Variants in DYM observed in about 807,000 individuals in gnomAD.
DYM encodes dyggve-Melchior-Clausen syndrome protein.
DYM carries 78 observed loss-of-function variants against 93.1 expected under a neutral mutation model. The ratio of observed to expected loss-of-function variants is 0.84; its 90% confidence interval spans 0.70 to 1.01. The LOEUF (loss-of-function observed/expected upper bound fraction) is 1.01. Among genes scored for constraint, DYM ranks in the 50% least tolerant of loss-of-function variants. The pLI, the probability that DYM is intolerant of heterozygous loss-of-function variation, is 0.00. For synonymous variants in DYM, 321 were observed against 319.7 expected, an observed-to-expected ratio of 1.00 and a Z score of -0.04; for missense variants, 789 against 845.0, an observed-to-expected ratio of 0.93 and a Z score of 0.82.
intron 5 of DYM, among the ~76,000 whole-genome samples, chr18:49,363,487 C>T (rs1461298632): frequency 6.6e-6 from 1 of 152,174 alleles, no homozygotes; most frequent in East Asian, 1.9e-4. Flanking sequence ...CTTTAGGCTC[C>T]TGTACGCCAG....
chr18:49,186,294 TAATCAGTGTTGGCTCTCAACATTTAA>T (rs2090428453), intron 14 of DYM, among the ~76,000 whole-genome samples: 1 of 152,200 alleles, frequency 6.6e-6, no homozygotes, highest in South Asian at 2.1e-4. Flanking sequence ...AACACACTTC[TAATCAGTGTTGGCTCTCAACATTTAA>T]AGCACAACTT....
At chr18:49,195,423 T>C (rs748816012) in intron 14 of DYM, among the ~76,000 whole-genome samples, 7 of 152,210 alleles carry the variant, frequency 4.6e-5, no homozygotes, top group Non-Finnish European at 1.0e-4. Context: ...TTCTCTCTTC[T>C]AGTTTTTTGA....
rs201477312 is a variant in DYM at position 49,097,424 on chromosome 18, G to A, written c.2003C>T (p.Ala668Val). The change falls in exon 17 of 18, where the codon GCG becomes GTG. Residue 668 changes from alanine (A) to valine (V), a missense_variant. By Grantham distance (64) the Ala-to-Val change is moderately conservative. Around this residue, in one of 3 missense-constraint regions of DYM, gnomAD observed 114 missense variants for 105.8 expected, o/e 1.08. Transcript: ENST00000675505. ...VLEIIKQGVV[A>V]LPKDRLKKFP... ...TACCTTCAGTCTGTCTTTGGGCAGC[G>A]CAACGACGCCTTGCTTAATGATTTC... The A allele has an allele frequency of 7.7e-5, 124 of 1,613,840 alleles. No individual in the cohort carries two copies. The highest frequency in any genetic ancestry group is 9.4e-5 in the Non-Finnish European group (111 of 1,179,902).
chr18:49,356,014 C>A (rs1287050392), intron 6 of DYM, among the ~76,000 whole-genome samples: 1 of 152,120 alleles, frequency 6.6e-6, no homozygotes, highest in Non-Finnish European at 1.5e-5. Context: ...TGTCTCCAAA[C>A]CATGTGCATA....
At chr18:49,281,433 C>T (rs1225324633) in intron 10 of DYM, among the ~76,000 whole-genome samples, 2 of 152,148 alleles carry the variant, frequency 1.3e-5, no homozygotes, top group East Asian at 3.9e-4. Flanking sequence ...TACCATTTGA[C>T]CCAGCCATCC....
At chr18:49,210,378 T>TA (rs1233702532) in intron 13 of DYM, among the ~76,000 whole-genome samples, 1 of 152,068 alleles carries the variant, frequency 6.6e-6, no homozygotes, top group Admixed American at 6.6e-5. Context: ...TATTTAGGGC[T>TA]AAAAAAATGA....
In DYM at chr18:49,216,979, C is replaced by T. The variant is rs902586127; in HGVS notation, c.1461-7264G>A. Among the ~76,000 whole-genome samples, 13 of 152,140 alleles carry T rather than the reference C, an allele frequency of 8.5e-5. No homozygotes were observed. The East Asian group carries it at 1.9e-3, about 23-fold the overall frequency. ...CCGAGCTACAGGAGGAAATTCAAAC[C>T]GAAGGCAAAGAAGTTAAATACTTCG... is the stretch of plus-strand genomic sequence containing the variant. On this transcript the variant is annotated intron_variant, in intron 13 of 17. Coordinates refer to ENST00000675505, the MANE Select transcript of DYM (RefSeq NM_001353214.3).
intron 4 of DYM, 64 bp downstream of exon 4, chr18:49,379,601 T>A (rs1647441510): frequency 1.5e-6 from 2 of 1,321,446 alleles, no homozygotes; most frequent in African/African-American, 2.9e-5. Flanking sequence ...TTTCCATCAA[T>A]AAATGAAAAC....
At chr18:49,401,583 T>C (rs1415811339) in intron 2 of DYM, among the ~76,000 whole-genome samples, 3 of 152,076 alleles carry the variant, frequency 2.0e-5, no homozygotes, top group African/African-American at 7.2e-5. Context: ...TACTAAGGGA[T>C]TGGAGAACTA....
intron 15 of DYM, among the ~76,000 whole-genome samples, chr18:49,132,551 T>C (rs762295533): frequency 6.6e-6 from 1 of 152,182 alleles, no homozygotes; most frequent in Non-Finnish European, 1.5e-5. Flanking sequence ...ATAATTACTA[T>C]GCCATTTAAG....
intron 15 of DYM, among the ~76,000 whole-genome samples, chr18:49,136,870 A>T (rs1233755318): frequency 6.6e-6 from 1 of 152,174 alleles, no homozygotes; most frequent in African/African-American, 2.4e-5. Flanking sequence ...TAATCCACTC[A>T]TAATGGTTTG....
At chr18:49,066,330 C>T (rs898151499) in intron 17 of DYM, among the ~76,000 whole-genome samples, 13 of 152,270 alleles carry the variant, frequency 8.5e-5, no homozygotes, top group African/African-American at 2.2e-4. Context: ...GCCCTCTCGG[C>T]GAGTTCTATC....
intron 13 of DYM, among the ~76,000 whole-genome samples, chr18:49,232,125 A>G (rs1273277502): frequency 2.0e-5 from 3 of 151,992 alleles, no homozygotes; most frequent in African/African-American, 4.8e-5. Context: ...TATTCATCCG[A>G]TAAGATCTTG....
At chr18:49,292,345 CAG>C (rs1378957982) in intron 8 of DYM, among the ~76,000 whole-genome samples, 131 of 104,776 alleles carry the variant, frequency 1.3e-3, no homozygotes, top group African/African-American at 4.4e-3. Context: ...GGCAGACAGA[CAG>C]ACAGACAGAC....
intron 8 of DYM, among the ~76,000 whole-genome samples, chr18:49,313,833 T>G (rs1449793239): frequency 6.6e-6 from 1 of 152,134 alleles, no homozygotes; most frequent in Admixed American, 6.5e-5. Context: ...AGGAAACCCC[T>G]GACCCAGGGC....
chr18:49,392,231 G>A (rs972238172), intron 2 of DYM, among the ~76,000 whole-genome samples: 3 of 152,198 alleles, frequency 2.0e-5, no homozygotes, highest in South Asian at 2.1e-4. Flanking sequence ...GGCACAGATA[G>A]ACAGAGACAG....
intron 13 of DYM, among the ~76,000 whole-genome samples, chr18:49,243,034 G>A (rs922748731): frequency 2.6e-5 from 4 of 152,138 alleles, no homozygotes; most frequent in African/African-American, 4.8e-5. Context: ...CTTAGGGAAC[G>A]GCCAAGAGCC....
chr18:49,258,669 C>A (rs892061925), intron 11 of DYM, among the ~76,000 whole-genome samples, 176 bp from the exon 12 acceptor site: 1 of 152,168 alleles, frequency 6.6e-6, no homozygotes. Context: ...CAGTGCTCTG[C>A]CATGGCTGTG....
chr18:49,202,812 A>G (rs1322245617), intron 14 of DYM, among the ~76,000 whole-genome samples: 1 of 46,294 alleles, frequency 2.2e-5, no homozygotes, highest in African/African-American at 7.4e-5. Flanking sequence ...GCCCCGTCTG[A>G]GAAGTGAGGA....
Sources: allele counts gnomAD v4.1 joint callset (sites outside exome capture counted in the v4.1 genomes callset), GRCh38; gene constraint gnomAD v4.1.1; regional missense constraint gnomAD v4.1.1; transcripts MANE v1.5; gene names NCBI Gene and HGNC (gene_info 2026-07-23, HGNC 2026-07-21).